DENND1A: variants seen among roughly 807,000 people sequenced by gnomAD.
DENND1A encodes DENN domain containing 1A, also known as DENN domain-containing protein 1A.
DENND1A carries 51 observed loss-of-function variants against 113.7 expected under a neutral mutation model. The ratio of observed to expected loss-of-function variants is 0.45; its 90% CI spans 0.36 to 0.57. The LOEUF (loss-of-function observed/expected upper bound fraction) is 0.57, where lower values mean the gene tolerates loss of function less well. DENND1A is among the 20% of genes least tolerant of loss of function. The pLI is 0.00. For synonymous variants in DENND1A, 565 were observed against 570.8 expected, an observed-to-expected ratio of 0.99 and a Z score of 0.14; for missense variants, 1,258 against 1,395.9, an observed-to-expected ratio of 0.90 and a Z score of 1.57.
In DENND1A at chr9:123,707,605, CAAGA is replaced by C. The variant is rs761178629; in HGVS notation, c.303-30820_303-30817del. On this transcript the variant is annotated intron_variant, in intron 5 of 23. Coordinates refer to ENST00000394215, the MANE Select transcript of DENND1A (RefSeq NM_001352964.2). The stretch of plus-strand genomic sequence containing the variant: ...AAGGCAGTGATTGTGTCAAACAGAT[CAAGA>C]AAGAGGAGAACTGAGAATTAATCAC... Among the ~76,000 whole-genome samples, 224 of 152,166 alleles carry C rather than the reference CAAGA, an allele frequency of 1.5e-3. 1 individual carries two copies. The highest frequency in any genetic ancestry group is 3.4e-3 in the Middle Eastern group (1 of 294).
intron 5 of DENND1A, among the ~76,000 whole-genome samples, chr9:123,756,020 C>T (rs1040780534): frequency 6.6e-5 from 10 of 152,132 alleles, no homozygotes; most frequent in African/African-American, 2.4e-4. Context: ...AAGCAATTCT[C>T]CTGCCTCAGC....
intron 8 of DENND1A, among the ~76,000 whole-genome samples, chr9:123,658,514 T>C (rs2063079179): frequency 6.6e-6 from 1 of 152,142 alleles, no homozygotes; most frequent in Admixed American, 6.5e-5. Context: ...AGTTTTTCAG[T>C]GAAAAGAAAG....
intron 19 of DENND1A, among the ~76,000 whole-genome samples, chr9:123,432,484 C>A (rs553265039): frequency 1.3e-5 from 2 of 152,182 alleles, no homozygotes; most frequent in East Asian, 1.9e-4. Flanking sequence ...GGCACTGTCA[C>A]GGTCACCCTA....
chr9:123,611,647 A>G (rs77137064), intron 10 of DENND1A, among the ~76,000 whole-genome samples: 2,654 of 152,316 alleles, frequency 0.017, 40 homozygotes, highest in South Asian at 0.032. Flanking sequence ...CCTACATTTA[A>G]TCATGCAATT....
chr9:123,517,017 G>T (rs1188521947), intron 13 of DENND1A, among the ~76,000 whole-genome samples: 1 of 150,920 alleles, frequency 6.6e-6, no homozygotes, highest in Non-Finnish European at 1.5e-5. Context: ...TGGAATTGCT[G>T]GGAATTTAGT....
intron 11 of DENND1A, among the ~76,000 whole-genome samples, chr9:123,592,010 G>C (rs2059481736): frequency 6.6e-6 from 1 of 152,176 alleles, no homozygotes; most frequent in Admixed American, 6.5e-5. Flanking sequence ...ACATCAGCAA[G>C]TTCTTTACTT....
At chr9:123,658,185 T>A (rs1233835266) in intron 8 of DENND1A, among the ~76,000 whole-genome samples, 1 of 152,226 alleles carries the variant, frequency 6.6e-6, no homozygotes, top group Admixed American at 6.5e-5. Flanking sequence ...CCTCGCATCA[T>A]TAACCACTTG....
At chr9:123,702,355 G>A (rs2065931890) in intron 5 of DENND1A, among the ~76,000 whole-genome samples, 1 of 152,104 alleles carries the variant, frequency 6.6e-6, no homozygotes, top group Admixed American at 6.5e-5. Flanking sequence ...ATTCAAGAAG[G>A]GGTAGAGAAA....
intron 21 of DENND1A, chr9:123,402,415 C>A: frequency 2.1e-6 from 1 of 467,946 alleles, no homozygotes; most frequent in Non-Finnish European, 4.4e-6. Context: ...AGCTTGACAG[C>A]TCGAAATCAT....
Position 123,381,809 on chromosome 9 carries a change from G to T in DENND1A, c.2836C>A (p.Pro946Thr). 11 of 1,514,380 alleles carry T rather than the reference G, an allele frequency of 7.3e-6. No individual in the cohort carries two copies. The highest frequency in any genetic ancestry group is 8.8e-6 in the Non-Finnish European group (10 of 1,131,528). 93.8% of individuals were successfully genotyped at this position (1,514,380 alleles called of 1,614,324 possible). A position where few individuals can be genotyped will look rare whatever the true frequency, so the allele number is the denominator to read the frequency against. ...AGFCAPHRSQ[P>T]NLSALSMPNL... is the part of the protein sequence containing the mutation. ...GGCATGGAGAGGGCGGAGAGGTTGGGCTGAGACCTGTGAGGGGCACAGAAG... is the reference window on the plus strand; with the variant it reads ...GGCATGGAGAGGGCGGAGAGGTTGGTCTGAGACCTGTGAGGGGCACAGAAG... The change falls in exon 24 of 24, where the codon CCC becomes ACC. Residue 946 changes from proline to threonine, a missense_variant. Pro to Thr is a conservative substitution (Grantham distance 38, BLOSUM62 -1). Coordinates refer to ENST00000394215, the MANE Select transcript of DENND1A (RefSeq NM_001352964.2). This position sits in a 1 kb window ranked among gnomAD's most constrained non-coding sequence, Gnocchi z 4.7.
intron 5 of DENND1A, among the ~76,000 whole-genome samples, chr9:123,733,428 T>G (rs775884632): frequency 4.6e-5 from 7 of 151,922 alleles, no homozygotes; most frequent in African/African-American, 7.3e-5. Context: ...TACAGGTATG[T>G]GCCACCACAC....
At chr9:123,884,866 T>C (rs750210345) in intron 1 of DENND1A, among the ~76,000 whole-genome samples, 1 of 152,180 alleles carries the variant, frequency 6.6e-6, no homozygotes, top group Non-Finnish European at 1.5e-5. Context: ...TTCTACATTA[T>C]TCAATTGCTT....
chr9:123,516,884 C>CAAAAAAAAAAAAAAAAAA (rs546001517), intron 13 of DENND1A, among the ~76,000 whole-genome samples: 37 of 93,378 alleles, frequency 4.0e-4, no homozygotes, highest in Admixed American at 5.3e-4. Context: ...GACTCTGTCT[C>CAAAAAAAAAAAAAAAAAA]AAAAAAAAAA....
intron 10 of DENND1A, among the ~76,000 whole-genome samples, chr9:123,627,594 G>A (rs554193869): frequency 1.3e-5 from 2 of 152,224 alleles, no homozygotes; most frequent in Non-Finnish European, 2.9e-5. Flanking sequence ...CAAATAATTA[G>A]CCGAGTGTGA....
chr9:123,834,647 T>C (rs1001392585), intron 2 of DENND1A, among the ~76,000 whole-genome samples: 1 of 152,232 alleles, frequency 6.6e-6, no homozygotes, highest in East Asian at 1.9e-4. Context: ...GCCCTGTATA[T>C]AGCTCTGCAC....
At chr9:123,769,833 C>A (rs932064474) in intron 3 of DENND1A, among the ~76,000 whole-genome samples, 12 of 152,070 alleles carry the variant, frequency 7.9e-5, no homozygotes, top group Non-Finnish European at 1.5e-4. Context: ...GGGAGGGAGG[C>A]GGTTGGGTTG....
At chr9:123,509,626 C>G (rs908314781) in intron 13 of DENND1A, among the ~76,000 whole-genome samples, 2 of 152,186 alleles carry the variant, frequency 1.3e-5, no homozygotes, top group East Asian at 1.9e-4. Context: ...TGGCACCAAG[C>G]AAGCCCCTCA....
At chr9:123,457,103 C>G (rs1343676412) in intron 15 of DENND1A, among the ~76,000 whole-genome samples, 1 of 152,200 alleles carries the variant, frequency 6.6e-6, no homozygotes, top group East Asian at 1.9e-4. Flanking sequence ...ACGCTGGCTA[C>G]TACTTTAACT....
intron 13 of DENND1A, among the ~76,000 whole-genome samples, chr9:123,474,777 G>C (rs1046258977): frequency 3.9e-5 from 6 of 152,120 alleles, no homozygotes; most frequent in African/African-American, 1.4e-4. Flanking sequence ...GAAGTAACTG[G>C]GGCAATGTAT....
Sources: gnomAD v4.1 joint callset for allele counts (sites outside exome capture counted in the v4.1 genomes callset) on GRCh38, gnomAD v4.1.1 for gene constraint, Gnocchi (gnomAD v3.1) non-coding constraint, MANE v1.5 for transcripts, NCBI Gene and HGNC (gene_info 2026-07-23, HGNC 2026-07-21) for gene names.